TNRC6A: variants seen among roughly 807,000 people sequenced by gnomAD.
TNRC6A encodes trinucleotide repeat-containing gene 6A protein.
A neutral mutation model predicts 221.2 loss-of-function variants in TNRC6A; 44 were observed. The observed-to-expected ratio is 0.20, with a 90% CI of 0.16 to 0.26. The LOEUF (loss-of-function observed/expected upper bound fraction) is 0.26, where lower values mean the gene tolerates loss of function less well. TNRC6A is among the 10% of genes least tolerant of loss of function. TNRC6A has a pLI of 1.00. For missense variants in TNRC6A, 2,199 were observed against 2,404.4 expected (o/e 0.91, Z 1.79); for synonymous variants, 847 against 838.5 (o/e 1.01, Z -0.18).
chr16:24,777,207 A>G lies in TNRC6A; in HGVS notation c.438A>G (p.Lys146=). ...VPPRFRHQEH[K]QLLKRGQHFP... ...CACGATTTCGCCACCAGGAACACAA[A>G]CAGCTTCTAAAGAGGGGTCAGCATT... The change falls in exon 5 of 25, where the codon AAA becomes AAG. Residue 146 remains lysine (K), a synonymous_variant. Transcript: ENST00000395799. 1 of 1,614,178 alleles carries G rather than the reference A, an allele frequency of 6.2e-7. No homozygotes were observed. Among genetic ancestry groups the G allele is most frequent in the Non-Finnish European group, 8.5e-7 (1 of 1,180,030 alleles).
intron 11 of TNRC6A, among the ~76,000 whole-genome samples, chr16:24,799,110 T>C (rs748897712): frequency 6.6e-6 from 1 of 152,210 alleles, no homozygotes; most frequent in Non-Finnish European, 1.5e-5. Flanking sequence ...GTAGGTGCCT[T>C]GTTGCTGGCA....
chr16:24,747,041 C>G (rs992802271), intron 2 of TNRC6A, among the ~76,000 whole-genome samples: 2 of 149,686 alleles, frequency 1.3e-5, no homozygotes, highest in Admixed American at 6.7e-5. Context: ...CTGGAAGATA[C>G]GGGCAAAATT....
rs184658350 is a variant in TNRC6A at position 24,629,606 on chromosome 16, C to T, written n.277-11278C>T. Among the ~76,000 whole-genome samples the T allele has an allele frequency of 1.6e-4, 24 of 152,196 alleles. No individual in the cohort carries two copies. In the East Asian group the frequency reaches 2.7e-3, roughly 17 times the overall value. On this transcript the variant is annotated intron_variant and non_coding_transcript_variant, in intron 1 of 2. Coordinates refer to the TNRC6A transcript ENST00000566108. Reference sequence around the variant, plus strand: ...CCTAATATATTCACTTTTCTGTTTTCCCAGGTAACTATTATTTTGGGGGGA... The same window carrying T: ...CCTAATATATTCACTTTTCTGTTTTTCCAGGTAACTATTATTTTGGGGGGA...
At chr16:24,657,876 C>A (rs947724729) in intron 2 of TNRC6A, among the ~76,000 whole-genome samples, 1 of 151,556 alleles carries the variant, frequency 6.6e-6, no homozygotes, top group Admixed American at 6.6e-5. Context: ...GTGAATGTTG[C>A]TTACTAGTAG....
rs748731733 is a variant in TNRC6A, at chr16:24,750,813, G to A, written c.141G>A (p.Lys47=). ...AAAAGAAGGAAGCTGCTCAAAAGAA[G>A]GTAGTATGTGTGTAAACTATTTATA... ...DKKKKEAAQK[K]ATEQKIKVPE... The change falls in exon 3 of 25, where the codon AAG becomes AAA. Residue 47 remains lysine (K), a splice_region_variant and synonymous_variant. Coordinates refer to ENST00000395799, the MANE Select transcript of TNRC6A (RefSeq NM_014494.4). 2.6e-6 allele frequency: 4 copies of A among 1,537,112 alleles called. No individual in the cohort carries two copies. The highest frequency in any genetic ancestry group is 3.5e-6 in the Non-Finnish European group (4 of 1,146,672).
In TNRC6A at chr16:24,690,872, A is replaced by G. The variant is rs897140811; in HGVS notation, n.402+49863A>G. ...GCCCAGGCTGGAGTGTAGTGGCGAG[A>G]TCTCAGCTCACTGCAAGCTCCGCCT... On this transcript the variant is annotated intron_variant and non_coding_transcript_variant, in intron 2 of 2. Coordinates refer to the TNRC6A transcript ENST00000566108. Among the ~76,000 whole-genome samples the G allele has an allele frequency of 2.0e-5, 3 of 148,368 alleles. No individual in the cohort carries two copies. In the Admixed American group the frequency reaches 2.0e-4, roughly 10 times the overall value.
upstream of TNRC6A, among the ~76,000 whole-genome samples, chr16:24,727,791 C>A (rs1396471488): frequency 6.6e-6 from 1 of 152,022 alleles, no homozygotes; most frequent in Non-Finnish European, 1.5e-5. Flanking sequence ...AACTTTTAAA[C>A]ATTTTAAGTA....
At chr16:24,665,526 A>AG (rs2055140274) in intron 2 of TNRC6A, among the ~76,000 whole-genome samples, 1 of 152,216 alleles carries the variant, frequency 6.6e-6, no homozygotes, top group Non-Finnish European at 1.5e-5. Context: ...TTTTCTTCAC[A>AG]GTCATAACAA....
intron 1 of TNRC6A, among the ~76,000 whole-genome samples, chr16:24,635,126 T>TTTC (rs1567313766): frequency 1.4e-5 from 2 of 145,280 alleles, no homozygotes; most frequent in African/African-American, 5.2e-5. Context: ...TTTTCTTTCT[T>TTTC]TTTCTTTCTT....
At chr16:24,759,952 T>C (rs576791563) in intron 4 of TNRC6A, among the ~76,000 whole-genome samples, 1 of 152,216 alleles carries the variant, frequency 6.6e-6, no homozygotes, top group East Asian at 1.9e-4. Flanking sequence ...TAAAACTCTA[T>C]TTTCCCCACC....
At chr16:24,642,724 G>T (rs11644110) in intron 2 of TNRC6A, among the ~76,000 whole-genome samples, 18,986 of 151,908 alleles carry the variant, frequency 0.12, 1,867 homozygotes, top group African/African-American at 0.28. Context: ...GGAGGCTGAG[G>T]CAGGAGAATC....
At chr16:24,786,560 C>T (rs922471786) in intron 5 of TNRC6A, among the ~76,000 whole-genome samples, 13 of 152,154 alleles carry the variant, frequency 8.5e-5, no homozygotes, top group African/African-American at 2.6e-4. Context: ...GTGATCCTCC[C>T]GCCTCGGCTC....
In TNRC6A at chr16:24,812,019, A is replaced by ATTTTT. The variant is rs71156440; in HGVS notation, c.4672+2581_4672+2585dup. On this transcript the variant is annotated intron_variant, in intron 18 of 24. Transcript: ENST00000395799. The stretch of plus-strand genomic sequence containing the variant: ...CCGTTCAGGGGAATGTCACTTTGGG[A>ATTTTT]TTTTTTTTTTTTTTTTTTTTTTTTT... Among the ~76,000 whole-genome samples the ATTTTT allele has an allele frequency of 7.3e-5, 3 of 40,854 alleles. 1 individual carries two copies. Among genetic ancestry groups the ATTTTT allele is most frequent in the Non-Finnish European group, 1.3e-4 (3 of 23,660 alleles). The allele number at this position is 40,854 out of a possible 152,430, so 26.8% of individuals were successfully genotyped here.
intron 2 of TNRC6A, among the ~76,000 whole-genome samples, chr16:24,647,690 C>T (rs1902366373): frequency 6.6e-6 from 1 of 152,172 alleles, no homozygotes; most frequent in African/African-American, 2.4e-5. Flanking sequence ...TGGCTCACTG[C>T]AACCTCTGCC....
At chr16:24,736,527 T>C (rs558416607) in intron 2 of TNRC6A, among the ~76,000 whole-genome samples, 2 of 152,366 alleles carry the variant, frequency 1.3e-5, no homozygotes, top group African/African-American at 4.8e-5. Flanking sequence ...AGCATTTTCC[T>C]GCCCTTTTCT....
intron 4 of TNRC6A, among the ~76,000 whole-genome samples, chr16:24,765,370 A>G (rs909275649): frequency 3.3e-5 from 5 of 152,184 alleles, no homozygotes; most frequent in African/African-American, 9.7e-5. Flanking sequence ...GCTGAAGATG[A>G]CAATCCCAGA....
rs748496966 is a variant in TNRC6A, at chr16:24,789,549, A to G, written c.907A>G (p.Asn303Asp). ...GTTTGTAGTTGGTAGCAGCAGCAAT[A>G]ATGTGGGCCATGGAAGTAGTACTGG... is the stretch of plus-strand genomic sequence containing the variant. The part of the protein sequence containing the change: ...NKFVVGSSSN[N>D]VGHGSSTGPW... Residue 303 changes from asparagine (N) to aspartate (D), a missense_variant, in exon 6 of 25, where the codon AAT becomes GAT. This residue lies in a region of TNRC6A where 1,405 missense variants were observed against 1,400.2 expected (regional missense o/e 1.00). Coordinates refer to ENST00000395799, the MANE Select transcript of TNRC6A (RefSeq NM_014494.4). The G allele has an allele frequency of 5.6e-6, 9 of 1,614,020 alleles. No individual in the cohort carries two copies. The highest frequency in any genetic ancestry group is 6.8e-6 in the Non-Finnish European group (8 of 1,180,032).
chr16:24,741,447 T>C (rs1450333453), intron 2 of TNRC6A, among the ~76,000 whole-genome samples: 1 of 152,254 alleles, frequency 6.6e-6, no homozygotes, highest in Non-Finnish European at 1.5e-5. Context: ...GATTTTCATG[T>C]TAAACCACCC....
intron 3 of TNRC6A, among the ~76,000 whole-genome samples, chr16:24,751,266 A>G (rs1323815248): frequency 2.0e-5 from 3 of 152,200 alleles, no homozygotes; most frequent in African/African-American, 7.2e-5. Flanking sequence ...TATTATATGT[A>G]ATACAGAAAT....
Sources: allele counts gnomAD v4.1 joint callset (sites outside exome capture counted in the v4.1 genomes callset), GRCh38; gene constraint gnomAD v4.1.1; regional missense constraint gnomAD v4.1.1; transcripts MANE v1.5; gene names NCBI Gene and HGNC (gene_info 2026-07-23, HGNC 2026-07-21).